DPY19L3: variants seen among roughly 807,000 people sequenced by gnomAD.
The protein encoded by DPY19L3 is protein C-mannosyl-transferase DPY19L3.
DPY19L3 carries 51 observed loss-of-function variants against 92.3 expected under a neutral mutation model. The observed-to-expected ratio is 0.55, with a 90% CI of 0.44 to 0.70. DPY19L3 has a LOEUF of 0.70. Ranked by LOEUF, DPY19L3 falls within the 30% of genes least tolerant of loss-of-function variation. The probability of loss-of-function intolerance (pLI) is 0.00; values close to 1 mark genes in which losing one functional copy is unlikely to be tolerated. For synonymous variants in DPY19L3, 309 were observed against 315.2 expected (o/e 0.98, Z 0.21); for missense variants, 706 against 855.9 (o/e 0.82, Z 2.18).
Position 32,436,381 on chromosome 19 carries a change from A to T in DPY19L3, c.329-65A>T, listed in dbSNP as rs374832994. The T allele has an allele frequency of 7.2e-6, 9 of 1,247,772 alleles. No individual in the cohort carries two copies. The African/African-American group carries it at 1.1e-4, about 15-fold the overall frequency. The allele number at this position is 1,247,772 out of a possible 1,614,324, so 77.3% of individuals were successfully genotyped here. ...AGCACTTACTAAACAATCTGTGCAT[A>T]GTTTTGAATGAATGAATAATTATGA... On this transcript the variant is annotated intron_variant, in intron 4 of 18. Coordinates refer to ENST00000392250, the MANE Select transcript of DPY19L3 (RefSeq NM_001172774.2).
At chr19:32,468,841 A>AT in intron 16 of DPY19L3, 28 bp downstream of exon 16, 4 of 1,606,676 alleles carry the variant, frequency 2.5e-6, no homozygotes, top group Non-Finnish European at 3.4e-6. Context: ...AACTTTTAAA[A>AT]TTTTAAGTGC....
intron 2 of DPY19L3, among the ~76,000 whole-genome samples, 165 bp downstream of exon 2, chr19:32,408,521 A>G (rs1323278748): frequency 6.6e-6 from 1 of 152,184 alleles, no homozygotes. Flanking sequence ...TACAGTTATG[A>G]TTTGACAAAA....
intron 9 of DPY19L3, among the ~76,000 whole-genome samples, chr19:32,454,149 A>G (rs2145565127): frequency 6.6e-6 from 1 of 152,340 alleles, no homozygotes; most frequent in East Asian, 1.9e-4. Flanking sequence ...TATATTTAAC[A>G]ATGTATAAAA....
chr19:32,467,865 A>C, intron 15 of DPY19L3: 1 of 984,444 alleles, frequency 1.0e-6, no homozygotes, highest in Non-Finnish European at 1.2e-6. Context: ...TAAGTGGGTA[A>C]TTCAGAGAGT....
At chr19:32,435,360 T>C (rs79582062) in intron 4 of DPY19L3, among the ~76,000 whole-genome samples, 1,788 of 152,326 alleles carry the variant, frequency 0.012, 10 homozygotes, top group Non-Finnish European at 0.017. Flanking sequence ...GCACCTCCTA[T>C]TGAGGAACAT....
intron 3 of DPY19L3, among the ~76,000 whole-genome samples, chr19:32,419,605 T>G (rs371550450): frequency 3.3e-5 from 5 of 151,782 alleles, no homozygotes; most frequent in African/African-American, 1.2e-4. Context: ...AGCTAATTTT[T>G]TCATTTTTTG....
intron 1 of DPY19L3, among the ~76,000 whole-genome samples, chr19:32,407,264 T>TCCCCCCCCCCCCCCTCCC (rs148363125): frequency 1.2e-5 from 1 of 81,320 alleles, no homozygotes. Context: ...AGGCTCCTGC[T>TCCCCCCCCCCCCCCTCCC]CCCCCCCACC....
Position 32,441,511 on chromosome 19 carries a change from T to G in DPY19L3, c.855+1601T>G, listed in dbSNP as rs200926065. 3.1e-5 allele frequency among the ~76,000 whole-genome samples: 3 copies of G among 97,558 alleles called. No individual in the cohort carries two copies. The East Asian group carries it at 8.4e-4, about 27-fold the overall frequency. The allele number at this position is 97,558 out of a possible 152,430, so 64.0% of individuals were successfully genotyped here. On this transcript the variant is annotated intron_variant, in intron 8 of 18. Coordinates refer to ENST00000392250, the MANE Select transcript of DPY19L3 (RefSeq NM_001172774.2). ...ATGTGTCTCTTTTTTTTTTTTTTTT[T>G]CTTTGAGATGGAGTCTCACTCTGTC... is the stretch of plus-strand genomic sequence containing the variant.
At chr19:32,406,571 C>T (rs779436114) in intron 1 of DPY19L3, among the ~76,000 whole-genome samples, 37 of 152,042 alleles carry the variant, frequency 2.4e-4, no homozygotes, top group Admixed American at 3.9e-4. Flanking sequence ...AGGCTGGTCT[C>T]AAACTCATGG....
Position 32,436,544 on chromosome 19 carries a change from T to C in DPY19L3, c.427T>C (p.Leu143=). The C allele has an allele frequency of 6.4e-7, 1 of 1,571,028 alleles. No individual in the cohort carries two copies. The highest frequency in any genetic ancestry group is 8.7e-7 in the Non-Finnish European group (1 of 1,153,808). Residue 143 remains leucine (L), a synonymous_variant, in exon 5 of 19, where the codon TTA becomes CTA. Transcript: ENST00000392250. Reference sequence around the variant, plus strand: ...TTACCAAGAGGTTTTTCTCAGTATTTTATATAGAGTTCTACCCATACAGGT... The same window carrying C: ...TTACCAAGAGGTTTTTCTCAGTATTCTATATAGAGTTCTACCCATACAGGT... ...NIYQEVFLSI[L]YRVLPIQKYL...
At chr19:32,409,218 C>G (rs1322427141) in intron 2 of DPY19L3, among the ~76,000 whole-genome samples, 10 of 152,234 alleles carry the variant, frequency 6.6e-5, no homozygotes, top group Admixed American at 6.5e-4. Flanking sequence ...GAAACTAACA[C>G]CAGTGGCACT....
chr19:32,480,305 C>A, intron 17 of DPY19L3, 94 bp from the exon 18 acceptor site: 1 of 1,418,450 alleles, frequency 7.0e-7, no homozygotes, highest in Non-Finnish European at 9.5e-7. Context: ...GGTGTTAGGT[C>A]TTAGACTCAG....
intron 8 of DPY19L3, among the ~76,000 whole-genome samples, chr19:32,444,236 C>G (rs1969415908): frequency 6.6e-6 from 1 of 151,906 alleles, no homozygotes; most frequent in Non-Finnish European, 1.5e-5. Context: ...AATACAAACT[C>G]TAAGCAAAGA....
chr19:32,460,072 A>G (rs1292118328), intron 12 of DPY19L3, among the ~76,000 whole-genome samples: 2 of 152,126 alleles, frequency 1.3e-5, no homozygotes, highest in African/African-American at 2.4e-5. Flanking sequence ...CACAATGGTA[A>G]GTATTTGTGT....
chr19:32,425,612 G>A (rs550096619), intron 3 of DPY19L3, among the ~76,000 whole-genome samples: 2 of 152,162 alleles, frequency 1.3e-5, no homozygotes, highest in East Asian at 1.9e-4. Context: ...TCCATGGGCT[G>A]TAGAATAGAT....
At chr19:32,480,324 A>G (rs540522245) in intron 17 of DPY19L3, 75 bp from the exon 18 acceptor site, 1 of 1,506,902 alleles carries the variant, frequency 6.6e-7, no homozygotes, top group East Asian at 2.3e-5. Flanking sequence ...AGCCCTGTGG[A>G]AGGTTACATC....
In DPY19L3 at chr19:32,482,687, G is replaced by T. The variant is rs1970710083; in HGVS notation, c.*447G>T. The T allele has an allele frequency of 6.5e-6, 1 of 152,938 alleles. No homozygotes were observed. Among genetic ancestry groups the T allele is most frequent in the Non-Finnish European group, 1.5e-5 (1 of 68,616 alleles). 9.5% of individuals were successfully genotyped at this position (152,938 alleles called of 1,614,324 possible). A position where few individuals can be genotyped will look rare whatever the true frequency, so the allele number is the denominator to read the frequency against. On this transcript the variant is annotated 3_prime_UTR_variant, in exon 19 of 19. Coordinates refer to ENST00000392250, the MANE Select transcript of DPY19L3 (RefSeq NM_001172774.2). ...TGATTTCACTGGTGAAGACCAATTG[G>T]TAGCTTTTTAAAAAGCACTTTAGTG... is the stretch of plus-strand genomic sequence containing the variant.
At chr19:32,408,096 AAAAAG>A (rs1252481297) in intron 1 of DPY19L3, 116 bp from the exon 2 acceptor site, 1 of 604,662 alleles carries the variant, frequency 1.7e-6, no homozygotes, top group African/African-American at 1.9e-5. Context: ...GGGAAGAAAA[AAAAAG>A]GGAGGGCATG....
At chr19:32,465,815 A>T (rs1163792992) in intron 15 of DPY19L3, among the ~76,000 whole-genome samples, 1 of 152,214 alleles carries the variant, frequency 6.6e-6, no homozygotes, top group East Asian at 1.9e-4. Context: ...TAACTCCTAG[A>T]TATTAAAAAA....
Sources: gnomAD v4.1 joint callset for allele counts (sites outside exome capture counted in the v4.1 genomes callset) on GRCh38, gnomAD v4.1.1 for gene constraint, MANE v1.5 for transcripts, NCBI Gene and HGNC (gene_info 2026-07-23, HGNC 2026-07-21) for gene names.